MTCL1: variants seen among roughly 807,000 people sequenced by gnomAD.
The protein encoded by MTCL1 is microtubule cross-linking factor 1.
MTCL1 carries 79 observed loss-of-function variants against 141.4 expected under a neutral mutation model. That is an observed-to-expected ratio of 0.56 (90% CI 0.47 to 0.67). MTCL1 has a LOEUF of 0.67. Ranked by LOEUF, MTCL1 falls within the 30% of genes least tolerant of loss-of-function variation. MTCL1 has a pLI of 0.00. For missense variants in MTCL1, 2,177 were observed against 2,113.9 expected (o/e 1.03, Z -0.59); for synonymous variants, 914 against 875.8 (o/e 1.04, Z -0.77).
At chr18:8,740,209 C>CT (rs1485957002) in intron 4 of MTCL1, among the ~76,000 whole-genome samples, 2 of 152,320 alleles carry the variant, frequency 1.3e-5, no homozygotes, top group East Asian at 3.9e-4. Flanking sequence ...GTATATTGCT[C>CT]TTTTTACTCA....
At chr18:8,802,889 C>T (rs371744421) in intron 10 of MTCL1, among the ~76,000 whole-genome samples, 1 of 152,152 alleles carries the variant, frequency 6.6e-6, no homozygotes, top group African/African-American at 2.4e-5. Flanking sequence ...GGCTAGACCC[C>T]GGCACAAGAG....
intron 4 of MTCL1, among the ~76,000 whole-genome samples, chr18:8,770,253 C>T (rs773636453): frequency 5.9e-5 from 9 of 152,190 alleles, no homozygotes; most frequent in Non-Finnish European, 1.0e-4. Flanking sequence ...GTCTGTTACT[C>T]AGTGGTAATA....
chr18:8,824,909 C>T (rs138485784), exon 15 of MTCL1: 107 of 1,613,748 alleles, frequency 6.6e-5, no homozygotes, highest in African/African-American at 3.3e-4. Flanking sequence ...ACCTTTGGGC[C>T]GACAGGACCG....
rs369991737 is a variant in MTCL1, at chr18:8,796,355, C to T, written c.2134C>T (p.Arg712Trp). 13 of 1,614,046 alleles carry T rather than the reference C, an allele frequency of 8.1e-6. No individual in the cohort carries two copies. Among genetic ancestry groups the T allele is most frequent in the South Asian group, 7.7e-5 (7 of 91,078 alleles). The change falls in exon 9 of 17, where the codon CGG (arginine) becomes TGG (tryptophan). Residue 712 changes from arginine to tryptophan, a missense_variant. By Grantham distance (101) the Arg-to-Trp change is moderately radical (BLOSUM62 -3). Coordinates refer to ENST00000359865, the Ensembl canonical transcript of MTCL1. Reference sequence around the variant, plus strand: ...GAAGAATCTGATGCAGCAGGAGCTCCGGTCCTTGAAGCAGAACATTTTCCT... The same window carrying T: ...GAAGAATCTGATGCAGCAGGAGCTCTGGTCCTTGAAGCAGAACATTTTCCT...
rs117836530 is a variant in MTCL1 at position 8,786,323 on chromosome 18, G to T, written c.1887+232G>T. 3,865 of 697,318 alleles carry T rather than the reference G, an allele frequency of 5.5e-3. 14 individuals are homozygous for T. Among genetic ancestry groups the T allele is most frequent in the Non-Finnish European group, 8.5e-3 (3,251 of 383,294 alleles). The allele number at this position is 697,318 out of a possible 1,614,324, so 43.2% of individuals were successfully genotyped here. On this transcript the variant is annotated intron_variant, in intron 7 of 16. Transcript: ENST00000359865. ...TCGTCAGACAGAGGGACAGCTCACT[G>T]TAGGCACTGTCCACCTCCTGTTTCC...
Position 8,789,637 on chromosome 18 carries a change from C to T in MTCL1, c.1888-3361C>T, listed in dbSNP as rs920420185. ...GTCAAGACTAGTGTCTCAGCAGCCT[C>T]GGAAACAAGTGAGGGTGGTGGTGGT... is the stretch of plus-strand genomic sequence containing the variant. On this transcript the variant is annotated intron_variant, in intron 7 of 16. Transcript: ENST00000359865. The T allele has an allele frequency of 4.1e-6, 4 of 985,082 alleles. No homozygotes were observed. In the African/African-American group the frequency reaches 5.3e-5, roughly 13 times the overall value. The allele number at this position is 985,082 out of a possible 1,614,324, so 61.0% of individuals were successfully genotyped here.
intron 10 of MTCL1, 25 bp from the exon 10 acceptor site, chr18:8,806,868 G>A (rs1339388854): frequency 1.9e-6 from 3 of 1,607,890 alleles, no homozygotes; most frequent in African/African-American, 1.3e-5. Flanking sequence ...AGGAGGTGGT[G>A]GAGCCTGACT....
At chr18:8,772,115 A>G (rs760573127) in intron 4 of MTCL1, among the ~76,000 whole-genome samples, 3 of 152,246 alleles carry the variant, frequency 2.0e-5, no homozygotes, top group Non-Finnish European at 2.9e-5. Context: ...TTGGAGGCAC[A>G]GTGATTGTTC....
intron 12 of MTCL1, among the ~76,000 whole-genome samples, chr18:8,817,375 T>G (rs2076691742): frequency 1.3e-5 from 2 of 151,398 alleles, no homozygotes. Context: ...AACGTAGAGT[T>G]TTTAGGTTTT....
At chr18:8,770,739 A>G (rs2096482068) in intron 4 of MTCL1, among the ~76,000 whole-genome samples, 1 of 152,172 alleles carries the variant, frequency 6.6e-6, no homozygotes, top group South Asian at 2.1e-4. Context: ...AGTTGTTAAT[A>G]TCATTATCAT....
At chr18:8,734,430 C>T (rs1260991589) in intron 4 of MTCL1, among the ~76,000 whole-genome samples, 1 of 152,116 alleles carries the variant, frequency 6.6e-6, no homozygotes, top group African/African-American at 2.4e-5. Context: ...AGGTCACACC[C>T]TGCTCCGGAG....
chr18:8,781,027 C>T (rs2096530707), intron 5 of MTCL1, among the ~76,000 whole-genome samples: 1 of 151,708 alleles, frequency 6.6e-6, no homozygotes, highest in African/African-American at 2.4e-5. Context: ...ATTAGCTGGG[C>T]ATGGTGGCAC....
At chr18:8,825,195 G>A (rs779349575) in exon 15 of MTCL1, 2 of 1,583,214 alleles carry the variant, frequency 1.3e-6, no homozygotes, top group African/African-American at 1.3e-5. Context: ...CACCAAGGGA[G>A]GCCCTCCAGA....
In MTCL1 at chr18:8,828,824, C is replaced by T; in HGVS notation, c.4723-84C>T. On this transcript the variant is annotated intron_variant, in intron 15 of 16. Coordinates refer to ENST00000359865, the Ensembl canonical transcript of MTCL1. This position sits in a 1 kb window ranked among gnomAD's most constrained non-coding sequence, Gnocchi z 5.2. Reference sequence around the variant, plus strand: ...GGTCCTCTACCTCCGGGCTTGCTGACTTTAAACCTTTATTGTTCTCCTGTT... The same window carrying T: ...GGTCCTCTACCTCCGGGCTTGCTGATTTTAAACCTTTATTGTTCTCCTGTT... 1 of 1,605,170 alleles carries T rather than the reference C, an allele frequency of 6.2e-7. No individual in the cohort carries two copies. Among genetic ancestry groups the T allele is most frequent in the Non-Finnish European group, 8.5e-7 (1 of 1,176,744 alleles).
chr18:8,771,873 G>A (rs1047794424), intron 4 of MTCL1, among the ~76,000 whole-genome samples: 3 of 152,224 alleles, frequency 2.0e-5, no homozygotes, highest in African/African-American at 7.2e-5. Context: ...CCCCCACTGG[G>A]GGGGTTCCTG....
At chr18:8,742,688 C>T (rs999469741) in intron 4 of MTCL1, among the ~76,000 whole-genome samples, 6 of 152,224 alleles carry the variant, frequency 3.9e-5, no homozygotes, top group African/African-American at 1.4e-4. Flanking sequence ...ACATCACCGT[C>T]GTTTCCTTTA....
chr18:8,800,758 A>AT (rs1290652265), intron 10 of MTCL1: 24 of 152,368 alleles, frequency 1.6e-4, no homozygotes, highest in Non-Finnish European at 2.9e-4. Flanking sequence ...AATTCCTGGA[A>AT]TCCAGCTACT....
At chr18:8,723,852 T>A (rs2096189707) in intron 4 of MTCL1, among the ~76,000 whole-genome samples, 1 of 152,164 alleles carries the variant, frequency 6.6e-6, no homozygotes, top group Non-Finnish European at 1.5e-5. Flanking sequence ...TGATACCTGA[T>A]AGGACATGGA....
chr18:8,831,711 C>A (rs1271173118), exon 17 of MTCL1: 6 of 1,550,650 alleles, frequency 3.9e-6, no homozygotes, highest in Non-Finnish European at 5.2e-6. Context: ...CACATTCCCC[C>A]ACTGCCTCAC....
Sources: gnomAD v4.1 joint callset for allele counts (sites outside exome capture counted in the v4.1 genomes callset) on GRCh38, gnomAD v4.1.1 for gene constraint, Gnocchi (gnomAD v3.1) non-coding constraint, MANE v1.5 for transcripts, NCBI Gene and HGNC (gene_info 2026-07-23, HGNC 2026-07-21) for gene names.